Variants in ZNRF1 observed in about 807,000 individuals in gnomAD.
The protein encoded by ZNRF1 is zinc and ring finger 1, also known as E3 ubiquitin-protein ligase ZNRF1.
A neutral mutation model predicts 18.4 loss-of-function variants in ZNRF1; 3 were observed. That is an observed-to-expected ratio of 0.16 (90% CI 0.07 to 0.42). The LOEUF is 0.42. ZNRF1 is among the 10% of genes least tolerant of loss of function. ZNRF1 has a pLI of 0.99. For missense variants in ZNRF1, 310 were observed against 329.8 expected (o/e 0.94, Z 0.47); for synonymous variants, 157 against 144.2 (o/e 1.09, Z -0.64).
chr16:75,104,728 T>A, intron 2 of ZNRF1, 56 bp from the exon 3 acceptor site: 2 of 1,491,748 alleles, frequency 1.3e-6, no homozygotes, highest in Non-Finnish European at 1.8e-6. Flanking sequence ...GCTTGCCCCA[T>A]GCCACCTGTC....
rs1597915333 is a variant in ZNRF1 at position 75,108,653 on chromosome 16, A to G, written c.*953A>G. 2.5e-6 allele frequency: 1 copy of G among 398,874 alleles called. No individual in the cohort carries two copies. The highest frequency in any genetic ancestry group is 3.6e-5 in the East Asian group (1 of 28,048). The allele number at this position is 398,874 out of a possible 1,614,324, so 24.7% of individuals were successfully genotyped here. ...AAAAAATGTTCAAAGCTTGGGAGAA[A>G]AGCTTTCTTCATTAGTCAAGGTGTT... is the stretch of plus-strand genomic sequence containing the variant. On this transcript the variant is annotated 3_prime_UTR_variant, in exon 5 of 5. Coordinates refer to ENST00000335325, the MANE Select transcript of ZNRF1 (RefSeq NM_032268.5).
chr16:75,002,026 T>C (rs2034857538), intron 1 of ZNRF1, among the ~76,000 whole-genome samples: 1 of 152,198 alleles, frequency 6.6e-6, no homozygotes, highest in South Asian at 2.1e-4. Flanking sequence ...CATTCCTTAC[T>C]GTGTAGGACC....
chr16:75,093,938 C>G (rs2036169706), intron 2 of ZNRF1, among the ~76,000 whole-genome samples: 1 of 152,244 alleles, frequency 6.6e-6, no homozygotes, highest in Non-Finnish European at 1.5e-5. Context: ...GCCCCTGCCT[C>G]TCTGCAACTC....
At chr16:75,094,710 A>T (rs1275091434) in intron 2 of ZNRF1, among the ~76,000 whole-genome samples, 2 of 152,174 alleles carry the variant, frequency 1.3e-5, no homozygotes, top group African/African-American at 4.8e-5. Flanking sequence ...TCCAGAGCCC[A>T]CAGACTTCTC....
At chr16:75,022,086 G>T (rs117137605) in intron 1 of ZNRF1, among the ~76,000 whole-genome samples, 2 of 151,986 alleles carry the variant, frequency 1.3e-5, no homozygotes, top group Non-Finnish European at 2.9e-5. Context: ...CATCCGTCTC[G>T]CTCTGTTGCT....
At chr16:75,104,758 T>C in intron 2 of ZNRF1, 26 bp from the exon 3 acceptor site, 1 of 1,571,928 alleles carries the variant, frequency 6.4e-7, no homozygotes, top group Non-Finnish European at 8.6e-7. Context: ...CTAACCCTCC[T>C]GCACTCTCCC....
intron 1 of ZNRF1, among the ~76,000 whole-genome samples, chr16:75,042,994 T>C (rs2035469382): frequency 6.6e-6 from 1 of 152,198 alleles, no homozygotes. Context: ...GACCCTTGAG[T>C]GCTTCCCTTG....
intron 1 of ZNRF1, among the ~76,000 whole-genome samples, chr16:75,020,525 T>C (rs990740933): frequency 6.6e-6 from 1 of 151,926 alleles, no homozygotes; most frequent in African/African-American, 2.4e-5. Flanking sequence ...TTTCTCCTTT[T>C]CAGTCTTTTC....
intron 1 of ZNRF1, among the ~76,000 whole-genome samples, chr16:75,015,666 C>G (rs1383227123): frequency 2.0e-5 from 3 of 152,194 alleles, no homozygotes; most frequent in Non-Finnish European, 2.9e-5. Context: ...TTACTGCAGC[C>G]TGAAACTCCT....
chr16:75,103,868 C>G (rs1363941261), intron 2 of ZNRF1, among the ~76,000 whole-genome samples: 3 of 152,020 alleles, frequency 2.0e-5, no homozygotes, highest in African/African-American at 4.8e-5. Flanking sequence ...GCCTGTAATC[C>G]TAGCTACTCG....
At chr16:75,072,801 T>C (rs2035885669) in intron 1 of ZNRF1, among the ~76,000 whole-genome samples, 1 of 152,018 alleles carries the variant, frequency 6.6e-6, no homozygotes, top group African/African-American at 2.4e-5. Context: ...GCTCACCCAA[T>C]TGGAAGCAGG....
intron 1 of ZNRF1, among the ~76,000 whole-genome samples, chr16:75,072,920 G>T (rs1485558911): frequency 6.6e-6 from 1 of 152,170 alleles, no homozygotes; most frequent in Non-Finnish European, 1.5e-5. Context: ...TACTGTGTTG[G>T]TGTAGTGATG....
intron 1 of ZNRF1, among the ~76,000 whole-genome samples, chr16:75,076,292 A>G (rs1212956841): frequency 6.6e-6 from 1 of 152,118 alleles, no homozygotes; most frequent in Admixed American, 6.5e-5. Flanking sequence ...TAACTCTATG[A>G]ATCTCCCTTA....
In ZNRF1 at chr16:75,102,765, C is replaced by T. The variant is rs747403974; in HGVS notation, c.521-2019C>T. ...CTCCTGGAGGTCTCCATCAGCTGGC[C>T]GGGCCTCCTCCCACCCAACTCAGAA... On this transcript the variant is annotated intron_variant, in intron 2 of 4. Coordinates refer to ENST00000335325, the MANE Select transcript of ZNRF1 (RefSeq NM_032268.5). Among the ~76,000 whole-genome samples, 51 of 152,170 alleles carry T rather than the reference C, an allele frequency of 3.4e-4. 1 individual carries two copies. Among genetic ancestry groups the T allele is most frequent in the Non-Finnish European group, 2.8e-4 (19 of 68,030 alleles).
In ZNRF1 at chr16:75,097,088, G is replaced by A. The variant is rs1367843629; in HGVS notation, c.520+3421G>A. Among the ~76,000 whole-genome samples, 7 of 152,130 alleles carry A rather than the reference G, an allele frequency of 4.6e-5. No individual in the cohort carries two copies. In the East Asian group the frequency reaches 1.3e-3, roughly 29 times the overall value. On this transcript the variant is annotated intron_variant, in intron 2 of 4. Transcript: ENST00000335325. Reference sequence around the variant, plus strand: ...AGGGGGTTCGTTGGTTTGTTTTTGTGGGTAAGATGGATCAACCCGAATGGG... The same window carrying A: ...AGGGGGTTCGTTGGTTTGTTTTTGTAGGTAAGATGGATCAACCCGAATGGG...
chr16:75,060,351 G>A lies in ZNRF1; in HGVS notation c.425-33221G>A, dbSNP rs143944271. On this transcript the variant is annotated intron_variant, in intron 1 of 4. Transcript: ENST00000335325. ...CAGGCATGAGCCATTGCACCCGGCC[G>A]ACAGTTTTCTAAGTTAGGGTAGTCC... Among the ~76,000 whole-genome samples, 797 of 151,474 alleles carry A rather than the reference G, an allele frequency of 5.3e-3. 9 individuals are homozygous for A. Among genetic ancestry groups the A allele is most frequent in the African/African-American group, 0.018 (764 of 41,330 alleles).
At chr16:75,096,627 C>T (rs1038442711) in intron 2 of ZNRF1, among the ~76,000 whole-genome samples, 3 of 152,174 alleles carry the variant, frequency 2.0e-5, no homozygotes, top group Non-Finnish European at 4.4e-5. Context: ...GGTCACTCCC[C>T]TGAAGACTTC....
At chr16:75,041,326 TTTTA>T (rs757121353) in intron 1 of ZNRF1, among the ~76,000 whole-genome samples, 2 of 152,044 alleles carry the variant, frequency 1.3e-5, no homozygotes, top group African/African-American at 2.4e-5. Context: ...TTTTAATTTA[TTTTA>T]TTTATTTATT....
At chr16:75,014,347 A>G (rs563274816) in intron 1 of ZNRF1, among the ~76,000 whole-genome samples, 45 of 152,242 alleles carry the variant, frequency 3.0e-4, no homozygotes, top group African/African-American at 1.0e-3. Flanking sequence ...TAGCTATCCA[A>G]AACACCATTT....
Sources: gnomAD v4.1 joint callset for allele counts (sites outside exome capture counted in the v4.1 genomes callset) on GRCh38, gnomAD v4.1.1 for gene constraint, MANE v1.5 for transcripts, NCBI Gene and HGNC (gene_info 2026-07-23, HGNC 2026-07-21) for gene names.